SCAI: variants seen among roughly 807,000 people sequenced by gnomAD.
SCAI encodes protein SCAI.
SCAI carries 24 observed loss-of-function variants against 92.2 expected under a neutral mutation model. That is an observed-to-expected ratio of 0.26 (90% CI 0.19 to 0.37). SCAI has a LOEUF of 0.37. SCAI is among the 10% of genes least tolerant of loss of function. SCAI has a pLI of 1.00. For synonymous variants in SCAI, 261 were observed against 258.6 expected (o/e 1.01, Z -0.09); for missense variants, 450 against 736.2 (o/e 0.61, Z 4.50).
intron 2 of SCAI, among the ~76,000 whole-genome samples, chr9:125,114,494 G>A (rs1235874958): frequency 6.6e-6 from 1 of 152,160 alleles, no homozygotes; most frequent in Non-Finnish European, 1.5e-5. Flanking sequence ...TGAAGTACCT[G>A]ATGGGAGCAT....
chr9:125,057,419 T>C (rs1833691675), intron 2 of SCAI, among the ~76,000 whole-genome samples: 1 of 152,064 alleles, frequency 6.6e-6, no homozygotes, highest in Non-Finnish European at 1.5e-5. Flanking sequence ...AATGACTAAA[T>C]TTCCCAGAAT....
intron 2 of SCAI, among the ~76,000 whole-genome samples, chr9:125,140,741 C>T (rs565250836): frequency 1.3e-5 from 2 of 149,932 alleles, no homozygotes; most frequent in East Asian, 3.9e-4. Context: ...CGCTTGTAGT[C>T]CCAGCTACTC....
chr9:125,043,572 T>C (rs1049770682), intron 3 of SCAI, among the ~76,000 whole-genome samples: 12 of 152,156 alleles, frequency 7.9e-5, no homozygotes, highest in African/African-American at 2.2e-4. Context: ...GCAATTCTCC[T>C]GCCTCAGCCT....
intron 9 of SCAI, among the ~76,000 whole-genome samples, chr9:125,016,219 CAA>C (rs1314287489): frequency 8.4e-5 from 12 of 142,984 alleles, no homozygotes; most frequent in African/African-American, 3.1e-4. Context: ...ATAATAAATA[CAA>C]AAAAAAAATA....
chr9:125,093,747 C>G (rs146093928), intron 2 of SCAI, among the ~76,000 whole-genome samples: 1,948 of 151,856 alleles, frequency 0.013, 101 homozygotes, highest in Admixed American at 0.082. Flanking sequence ...TGTATTTTTA[C>G]TAGAGACAGG....
intron 7 of SCAI, among the ~76,000 whole-genome samples, chr9:125,020,085 A>G (rs1442929524): frequency 5.5e-4 from 76 of 138,528 alleles, no homozygotes; most frequent in East Asian, 8.2e-4. Flanking sequence ...AAAAAAAAAA[A>G]GAAAAAAAAA....
At chr9:124,962,510 CA>C (rs1007119522) in intron 17 of SCAI, among the ~76,000 whole-genome samples, 1 of 152,044 alleles carries the variant, frequency 6.6e-6, no homozygotes, top group African/African-American at 2.4e-5. Flanking sequence ...GCTACATTTT[CA>C]TTATGAGATA....
intron 3 of SCAI, among the ~76,000 whole-genome samples, chr9:125,033,658 T>C (rs765498862): frequency 6.6e-6 from 1 of 152,174 alleles, no homozygotes; most frequent in African/African-American, 2.4e-5. Context: ...TTGACTGTAG[T>C]GATGGGTGCA....
At chr9:125,027,968 T>C (rs758616602) in intron 5 of SCAI, among the ~76,000 whole-genome samples, 1 of 152,198 alleles carries the variant, frequency 6.6e-6, no homozygotes, top group East Asian at 1.9e-4. Context: ...TCTAAGGATA[T>C]AATAAAAAAT....
intron 14 of SCAI, among the ~76,000 whole-genome samples, chr9:124,982,515 T>TA (rs1230214866): frequency 6.6e-6 from 1 of 151,210 alleles, no homozygotes; most frequent in African/African-American, 2.4e-5. Context: ...CTACTAAAAA[T>TA]AAAAAAATAA....
Position 125,091,947 on chromosome 9 carries a change from CAAAAATAA to C in SCAI, c.99-35948_99-35941del, listed in dbSNP as rs1415481552. Among the ~76,000 whole-genome samples the C allele has an allele frequency of 1.3e-5, 2 of 151,086 alleles. No individual in the cohort carries two copies. Among genetic ancestry groups the C allele is most frequent in the Non-Finnish European group, 2.9e-5 (2 of 67,802 alleles). On this transcript the variant is annotated intron_variant, in intron 2 of 17. Coordinates refer to ENST00000336505, the MANE Select transcript of SCAI (RefSeq NM_001144877.3). This position sits in a 1 kb window ranked among gnomAD's most constrained non-coding sequence, Gnocchi z 4.3. ...TAACACGATGAAACCCCGTCTCTAC[CAAAAATAA>C]AAAAATAAAAATAAAAATAAAAAAA...
chr9:124,987,799 T>TA (rs1214688857), intron 14 of SCAI, among the ~76,000 whole-genome samples: 2 of 150,218 alleles, frequency 1.3e-5, no homozygotes, highest in Non-Finnish European at 3.0e-5. Context: ...CTGTCTCTAC[T>TA]AAAAAATACA....
intron 2 of SCAI, among the ~76,000 whole-genome samples, chr9:125,058,784 G>T (rs1390238369): frequency 6.6e-6 from 1 of 152,104 alleles, no homozygotes; most frequent in East Asian, 1.9e-4. Context: ...TACAGCACAG[G>T]GGTAGAAAAA....
chr9:125,003,359 CA>C, intron 10 of SCAI, 109 bp downstream of exon 10: 1 of 1,005,598 alleles, frequency 9.9e-7, no homozygotes, highest in Non-Finnish European at 1.6e-6. Context: ...CATGTCTCAT[CA>C]AGTGAATTCT....
chr9:125,057,359 A>T (rs78101044), intron 2 of SCAI, among the ~76,000 whole-genome samples: 3 of 152,198 alleles, frequency 2.0e-5, no homozygotes, highest in Non-Finnish European at 2.9e-5. Context: ...AATAGCTTAC[A>T]CAGGAGGAGA....
At chr9:125,016,401 A>G (rs1452487537) in intron 9 of SCAI, among the ~76,000 whole-genome samples, 1 of 149,390 alleles carries the variant, frequency 6.7e-6, no homozygotes, top group African/African-American at 2.4e-5. Flanking sequence ...AAATAAATAA[A>G]TAAATAAATA....
At chr9:125,048,725 T>G (rs1228401282) in intron 3 of SCAI, among the ~76,000 whole-genome samples, 4 of 151,648 alleles carry the variant, frequency 2.6e-5, no homozygotes, top group African/African-American at 9.7e-5. Context: ...TATTTATTTA[T>G]TTATTTATTT....
At chr9:124,955,837 A>G (rs369651684) in intron 17 of SCAI, among the ~76,000 whole-genome samples, 11 of 152,230 alleles carry the variant, frequency 7.2e-5, no homozygotes, top group African/African-American at 2.7e-4. Flanking sequence ...AATTAGATAA[A>G]TGCCTTTCAA....
At chr9:124,963,146 T>A (rs117101033) in intron 17 of SCAI, among the ~76,000 whole-genome samples, 3 of 148,206 alleles carry the variant, frequency 2.0e-5, no homozygotes, top group African/African-American at 5.0e-5. Flanking sequence ...AAGAATTTTT[T>A]CCCCCCCGAG....
Sources: gnomAD v4.1 joint callset for allele counts (sites outside exome capture counted in the v4.1 genomes callset) on GRCh38, gnomAD v4.1.1 for gene constraint, Gnocchi (gnomAD v3.1) non-coding constraint, MANE v1.5 for transcripts, NCBI Gene and HGNC (gene_info 2026-07-23, HGNC 2026-07-21) for gene names.